The following MAMDC4 variants were observed in gnomAD, a reference collection of about 807,000 sequenced individuals.
MAMDC4 encodes the protein apical endosomal glycoprotein.
Under a neutral mutation model 153.3 loss-of-function variants are expected in MAMDC4, and 168 were observed. The observed-to-expected ratio is 1.10, with a 90% CI of 0.97 to 1.25. The LOEUF is 1.25. Among genes scored for constraint, MAMDC4 ranks in the 50% most tolerant of loss-of-function variants. The probability of loss-of-function intolerance (pLI) is 0.00; values close to 1 mark genes in which losing one functional copy is unlikely to be tolerated. For missense variants in MAMDC4, 1,701 were observed against 1,542.8 expected, an observed-to-expected ratio of 1.10 and a Z score of -1.72; for synonymous variants, 744 against 651.5, an observed-to-expected ratio of 1.14 and a Z score of -2.16.
At chr9:136,856,391 G>A in intron 14 of MAMDC4, 1 of 817,732 alleles carries the variant, frequency 1.2e-6, no homozygotes, top group Non-Finnish European at 2.2e-6. Context: ...GGTGAGGAGG[G>A]CAGCCCAGAG....
In MAMDC4 at chr9:136,856,784, G is replaced by T; in HGVS notation, c.1795G>T (p.Val599Leu). ...CCTCTCAGACACACACTGGCGCTGGGTGGAGAGCCGCGGCCCTGACCACGA... is the reference window on the plus strand; with the variant it reads ...CCTCTCAGACACACACTGGCGCTGGTTGGAGAGCCGCGGCCCTGACCACGA... ...GHLSDTHWRWVESRGPDHDHT... is the reference protein window; with the variant it reads ...GHLSDTHWRWLESRGPDHDHT... The change falls in exon 15 of 27, where the codon GTG becomes TTG. Residue 599 changes from valine (V) to leucine (L), a missense_variant. Transcript: ENST00000317446. 6.2e-7 allele frequency: 1 copy of T among 1,611,810 alleles called. No homozygotes were observed. Among genetic ancestry groups the T allele is most frequent in the South Asian group, 1.1e-5 (1 of 90,886 alleles).
chr9:136,856,473 G>A (rs191106356), intron 14 of MAMDC4: 3 of 784,330 alleles, frequency 3.8e-6, no homozygotes, highest in South Asian at 1.4e-5. Context: ...GCTGGAGTTT[G>A]TCGGTTTGGT....
intron 23 of MAMDC4, 45 bp from the exon 24 acceptor site, chr9:136,858,960 G>A (rs1849047782): frequency 6.6e-7 from 1 of 1,513,992 alleles, no homozygotes; most frequent in Non-Finnish European, 8.8e-7. Context: ...AGGCGTGCAG[G>A]AGCCCCAGGA....
At position 136,856,027 on chromosome 9, in the gene MAMDC4, T is replaced by A; in HGVS notation, c.1598T>A (p.Leu533Gln). The A allele has an allele frequency of 6.2e-7, 1 of 1,611,242 alleles. No individual in the cohort carries two copies. The highest frequency in any genetic ancestry group is 8.5e-7 in the Non-Finnish European group (1 of 1,179,194). ...GSSAAAAGHFLSLQRAWGQLG... is the reference protein window; with the variant it reads ...GSSAAAAGHFQSLQRAWGQLG... ...CATGCTCTTCCCCTAGGGCACTTCC[T>A]GTCTCTGCAGCGGGCCTGGGGGCAG... The change falls in exon 14 of 27, where the codon CTG becomes CAG. Residue 533 changes from leucine to glutamine, a missense_variant. Coordinates refer to ENST00000317446, the MANE Select transcript of MAMDC4 (RefSeq NM_206920.3).
In MAMDC4 at chr9:136,855,012, G is replaced by GC. The variant is rs779518616; in HGVS notation, c.1105dup (p.Arg369ProfsTer23). ...GTTCCTGCAGACTCTGGGGCCCGGC[G>GC]CCCCCCGGGCCCCCGTCCTGCTGCG... On this transcript the variant is annotated frameshift_variant, in exon 10 of 27. Coordinates refer to ENST00000317446, the MANE Select transcript of MAMDC4 (RefSeq NM_206920.3). LOFTEE classifies it high-confidence loss of function. 3.1e-6 allele frequency: 5 copies of GC among 1,596,088 alleles called. No homozygotes were observed. In the South Asian group the frequency reaches 4.5e-5, roughly 14 times the overall value.
Position 136,853,833 on chromosome 9 carries a change from CAGAGCA to C in MAMDC4, c.512_517del (p.Gln171_Thr173delinsPro). Reference sequence around the variant, plus strand: ...TGGCGCAGAGACCCTGACCCTGTGGCAGAGCACAGGGCCCTGGGGCCCTGGCTGGCA... The same window carrying C: ...TGGCGCAGAGACCCTGACCCTGTGGCCAGGGCCCTGGGGCCCTGGCTGGCA... On this transcript the variant is annotated inframe_deletion, in exon 5 of 27. Transcript: ENST00000317446. The C allele has an allele frequency of 1.9e-6, 3 of 1,560,936 alleles. No homozygotes were observed. The highest frequency in any genetic ancestry group is 2.6e-6 in the Non-Finnish European group (3 of 1,134,938).
Position 136,857,238 on chromosome 9 carries a change from C to T in MAMDC4, c.2046C>T (p.Asn682=). Residue 682 remains asparagine (N), a synonymous_variant, in exon 17 of 27, where the codon AAC becomes AAT. Transcript: ENST00000317446. ...HLWSRSGTQG[N]RWHEAWATLS... ...GGTCGCGGTCAGGCACCCAGGGCAA[C>T]CGCTGGCACGAGGCCTGGGCCACCC... The T allele has an allele frequency of 6.2e-7, 1 of 1,608,228 alleles. No homozygotes were observed. The highest frequency in any genetic ancestry group is 1.1e-5 in the South Asian group (1 of 90,340).
intron 14 of MAMDC4, 185 bp from the exon 15 acceptor site, chr9:136,856,525 A>G: frequency 1.3e-6 from 1 of 792,534 alleles, no homozygotes; most frequent in Non-Finnish European, 2.3e-6. Context: ...GGGGTGGACA[A>G]CGTGACCCTG....
At position 136,856,117 on chromosome 9, in the gene MAMDC4, A is replaced by AC; in HGVS notation, c.1690dup (p.Leu564ProfsTer15). ...CCTTCTGGCCCCAGCTGTGAACTCC[A>AC]CCTGGCTTATTATTTACAGAGCCAG... is the stretch of plus-strand genomic sequence containing the variant. On this transcript the variant is annotated frameshift_variant, in exon 14 of 27. Transcript: ENST00000317446. LOFTEE classifies it high-confidence loss of function. The AC allele has an allele frequency of 6.2e-7, 1 of 1,612,274 alleles. No individual in the cohort carries two copies. The highest frequency in any genetic ancestry group is 1.1e-5 in the South Asian group (1 of 91,074).
At chr9:136,857,904 G>A in intron 19 of MAMDC4, 75 bp from the exon 20 acceptor site, 1 of 1,471,786 alleles carries the variant, frequency 6.8e-7, no homozygotes, top group Non-Finnish European at 9.0e-7. Context: ...CCGCCAGGCT[G>A]GGAGCCTGGG....
Position 136,853,226 on chromosome 9 carries a change from TGGGC to T in MAMDC4, c.154+22_154+25del. On this transcript the variant is annotated intron_variant, in intron 2 of 26. Coordinates refer to ENST00000317446, the MANE Select transcript of MAMDC4 (RefSeq NM_206920.3). ...CCCAGTGTGGTGAGCCAAGACCAGA[TGGGC>T]GGGCAGGGCCAGTGCGAGCAGGTCT... 1 of 1,612,618 alleles carries T rather than the reference TGGGC, an allele frequency of 6.2e-7. No homozygotes were observed. Among genetic ancestry groups the T allele is most frequent in the Admixed American group, 1.7e-5 (1 of 60,008 alleles).
Position 136,858,175 on chromosome 9 carries a change from G to A in MAMDC4, c.2584-11G>A. On this transcript the variant is annotated splice_polypyrimidine_tract_variant and intron_variant, in intron 20 of 26. Transcript: ENST00000317446. ...GGACCCGCTGAGGCTGCCCTGCCCT[G>A]CACCCGCCAGGTGGTGTTTGAGGCA... 2 of 1,574,244 alleles carry A rather than the reference G, an allele frequency of 1.3e-6. No homozygotes were observed.
At position 136,856,947 on chromosome 9, in the gene MAMDC4, G is replaced by T; in HGVS notation, c.1878G>T (p.Trp626Cys). Residue 626 changes from tryptophan to cysteine, a missense_variant, in exon 16 of 27, where the codon TGG becomes TGT. Physicochemically the swap from Trp to Cys is radical, Grantham distance 215. Transcript: ENST00000317446. ...TGGACCCCACAGACCCCCTGGCCTG[G>T]GGCCACAGTGCCCACCTGCTCTCCA... ...VLLDPTDPLA[W>C]GHSAHLLSRP... is the part of the protein sequence containing the mutation. 1 of 1,611,516 alleles carries T rather than the reference G, an allele frequency of 6.2e-7. No homozygotes were observed. The highest frequency in any genetic ancestry group is 8.5e-7 in the Non-Finnish European group (1 of 1,179,056).
At position 136,858,529 on chromosome 9, in the gene MAMDC4, C is replaced by T; in HGVS notation, c.2804C>T (p.Thr935Ile). Residue 935 changes from threonine to isoleucine, a missense_variant, in exon 22 of 27, where the codon ACC (threonine) becomes ATC (isoleucine). By Grantham distance (89) the Thr-to-Ile change is moderately conservative. Transcript: ENST00000317446. ...SRYPQPPVDH[T>I]LGTEAGHFAF... ...TACCCCCAGCCCCCTGTGGACCACA[C>T]CCTGGGCACAGAGGCAGGTACGTGC... 6.3e-7 allele frequency: 1 copy of T among 1,587,866 alleles called. No homozygotes were observed. Among genetic ancestry groups the T allele is most frequent in the Non-Finnish European group, 8.6e-7 (1 of 1,168,424 alleles).
At position 136,852,477 on chromosome 9, in the gene MAMDC4, C is replaced by T. The variant is rs760697397; in HGVS notation, c.46+15C>T. ...CCTGTTCCTGGGTAAGTAGTCTGGT[C>T]CCACTCCTGAGGCAGGACCAGGGGC... is the stretch of plus-strand genomic sequence containing the variant. On this transcript the variant is annotated intron_variant, in intron 1 of 26. Coordinates refer to ENST00000317446, the MANE Select transcript of MAMDC4 (RefSeq NM_206920.3). 9.3e-6 allele frequency: 15 copies of T among 1,608,662 alleles called. No homozygotes were observed. Among genetic ancestry groups the T allele is most frequent in the Non-Finnish European group, 1.1e-5 (13 of 1,179,868 alleles).
chr9:136,855,469 GC>G lies in MAMDC4; in HGVS notation c.1325del (p.Pro442GlnfsTer101). 6.2e-7 allele frequency: 1 copy of G among 1,607,352 alleles called. No homozygotes were observed. Among genetic ancestry groups the G allele is most frequent in the Non-Finnish European group, 8.5e-7 (1 of 1,177,634 alleles). On this transcript the variant is annotated frameshift_variant, in exon 12 of 27. Transcript: ENST00000317446. LOFTEE classifies it high-confidence loss of function. Reference protein sequence around the residue: ...TLQPLPPGPRAPAPQPLPPSS... With the variant: ...TLQPLPPGPRXPAPQPLPPSS... ...GCAGCCGCTGCCTCCTGGGCCCCGG[GC>G]CCCAGCCCCCCAGCCCCTGCCGCCC... is the stretch of plus-strand genomic sequence containing the variant.
chr9:136,853,695 G>C lies in MAMDC4; in HGVS notation c.454+25G>C, dbSNP rs376049453. On this transcript the variant is annotated intron_variant, in intron 4 of 26. Transcript: ENST00000317446. ...GGTGCACCCTGGACCCCCAAGGCTC[G>C]TGGGGGGTGCCCAAGGGGAGGGCGG... The C allele has an allele frequency of 6.8e-6, 11 of 1,607,030 alleles. No individual in the cohort carries two copies. The East Asian group carries it at 2.5e-4, about 36-fold the overall frequency.
Position 136,859,921 on chromosome 9 carries a change from G to A in MAMDC4, c.3229G>A (p.Val1077Ile), listed in dbSNP as rs376613661. The A allele has an allele frequency of 3.1e-6, 5 of 1,612,482 alleles. No homozygotes were observed. In the African/African-American group the frequency reaches 5.3e-5, roughly 17 times the overall value. Reference sequence around the variant, plus strand: ...CGCACCCGGGTCTGTGCCAGCTGTGGTTGGCAGTGCCCTCCTATTGCTCAT... The same window carrying A: ...CGCACCCGGGTCTGTGCCAGCTGTGATTGGCAGTGCCCTCCTATTGCTCAT... ...TAAPGSVPAV[V>I]GSALLLLMLL... The change falls in exon 26 of 27, where the codon GTT becomes ATT. Residue 1077 changes from valine to isoleucine, a missense_variant. Coordinates refer to ENST00000317446, the MANE Select transcript of MAMDC4 (RefSeq NM_206920.3).
chr9:136,854,320 G>A lies in MAMDC4; in HGVS notation c.780G>A (p.Glu260=). The part of the protein sequence containing the change: ...GEDNCGDLSD[E]NPLTCGRHIA... ...ACAACTGCGGGGACCTGTCTGATGA[G>A]AACCCACTCACCTGTGGTGAGGCCG... Residue 260 remains glutamate (E), a synonymous_variant, in exon 7 of 27, where the codon GAG becomes GAA. Transcript: ENST00000317446. 6.3e-7 allele frequency: 1 copy of A among 1,582,484 alleles called. No homozygotes were observed.
Sources: allele counts gnomAD v4.1 joint callset, GRCh38; gene constraint gnomAD v4.1.1; transcripts MANE v1.5; gene names NCBI Gene and HGNC (gene_info 2026-07-23, HGNC 2026-07-21).